CDH6: variants seen among roughly 807,000 people sequenced by gnomAD.
CDH6 encodes the protein cadherin-6.
CDH6 carries 31 observed loss-of-function variants against 78.0 expected under a neutral mutation model. The ratio of observed to expected loss-of-function variants is 0.40; its 90% CI spans 0.30 to 0.54. The LOEUF (loss-of-function observed/expected upper bound fraction) is 0.54. Ranked by LOEUF, CDH6 falls within the 20% of genes least tolerant of loss-of-function variation. The probability of loss-of-function intolerance (pLI) is 0.56; values close to 1 mark genes in which losing one functional copy is unlikely to be tolerated. For synonymous variants in CDH6, 376 were observed against 368.8 expected, an observed-to-expected ratio of 1.02 and a Z score of -0.23; for missense variants, 724 against 975.9, an observed-to-expected ratio of 0.74 and a Z score of 3.44.
chr5:31,305,510 G>A (rs1737967609), intron 7 of CDH6, 83 bp downstream of exon 7: 4 of 1,409,580 alleles, frequency 2.8e-6, no homozygotes, highest in Non-Finnish European at 2.9e-6. Flanking sequence ...GAGAAAAGAT[G>A]AATCCCTTTT....
At position 31,312,945 on chromosome 5, in the gene CDH6, G is replaced by GCGCACA. The variant is rs1554010887; in HGVS notation, c.1254-372_1254-371insGCACAC. Among the ~76,000 whole-genome samples the GCGCACA allele has an allele frequency of 7.4e-5, 11 of 149,298 alleles. No individual in the cohort carries two copies. In the South Asian group the frequency reaches 1.5e-3, roughly 20 times the overall value. On this transcript the variant is annotated intron_variant, in intron 7 of 11. Coordinates refer to ENST00000265071, the MANE Select transcript of CDH6 (RefSeq NM_004932.4). ...ACCAAAACCCTACATATGCATACAA[G>GCGCACA]CACACACACACACACACACACACAC...
At chr5:31,207,888 C>T (rs544270376) in intron 1 of CDH6, among the ~76,000 whole-genome samples, 28 of 152,156 alleles carry the variant, frequency 1.8e-4, no homozygotes, top group South Asian at 4.1e-4. Context: ...GAAATATTCC[C>T]GAGATGACCT....
chr5:31,250,169 A>C (rs991349591), intron 1 of CDH6: 1 of 152,222 alleles, frequency 6.6e-6, no homozygotes, highest in Non-Finnish European at 1.5e-5. Context: ...TTTCATAACC[A>C]AAGAGCTCGG....
intron 2 of CDH6, among the ~76,000 whole-genome samples, chr5:31,290,327 C>G (rs142150756): frequency 0.013 from 1,938 of 152,194 alleles, 85 homozygotes; most frequent in East Asian, 0.085. Context: ...CCCTCTGGCA[C>G]GAAATGCTAC....
intron 1 of CDH6, among the ~76,000 whole-genome samples, chr5:31,219,246 T>C (rs913255669): frequency 6.6e-6 from 1 of 152,140 alleles, no homozygotes; most frequent in Admixed American, 6.5e-5. Flanking sequence ...CCATCAGATT[T>C]TTTTGACTCA....
chr5:31,285,542 C>T (rs1742988515), intron 2 of CDH6, among the ~76,000 whole-genome samples: 1 of 152,160 alleles, frequency 6.6e-6, no homozygotes, highest in Non-Finnish European at 1.5e-5. Context: ...AGTTTAGATG[C>T]TTTTATTCAT....
chr5:31,276,957 TG>T (rs1043304699), intron 2 of CDH6, among the ~76,000 whole-genome samples: 1 of 152,132 alleles, frequency 6.6e-6, no homozygotes, highest in African/African-American at 2.4e-5. Context: ...CTGTGAAGTG[TG>T]CCTTCAAAGA....
chr5:31,292,654 A>G (rs1032754800), intron 2 of CDH6, among the ~76,000 whole-genome samples: 2 of 151,886 alleles, frequency 1.3e-5, no homozygotes, highest in African/African-American at 4.8e-5. Flanking sequence ...GGATGCTTAA[A>G]ACTCTGGGGG....
intron 1 of CDH6, chr5:31,251,775 T>C (rs192774569): frequency 2.9e-4 from 44 of 152,352 alleles, no homozygotes; most frequent in Admixed American, 2.7e-3. Context: ...CTTCTCACAT[T>C]GTTAGCATTT....
intron 4 of CDH6, among the ~76,000 whole-genome samples, chr5:31,298,780 G>A (rs1460355755): frequency 6.6e-6 from 1 of 152,070 alleles, no homozygotes; most frequent in African/African-American, 2.4e-5. Flanking sequence ...AAAAATTTTG[G>A]TTGTCATTGG....
chr5:31,294,109 C>T lies in CDH6; in HGVS notation c.376C>T (p.Leu126Phe). The T allele has an allele frequency of 6.2e-7, 1 of 1,613,898 alleles. No individual in the cohort carries two copies. Among genetic ancestry groups the T allele is most frequent in the Non-Finnish European group, 8.5e-7 (1 of 1,179,936 alleles). ...LDREEKPVYI[L>F]RAQAINRRTG... ...CAGGGAAGAAAAACCCGTTTACATC[C>T]TTCGAGCTCAAGCTATAAACAGAAG... The change falls in exon 3 of 12, where the codon CTT becomes TTT. Residue 126 changes from leucine to phenylalanine, a missense_variant. This residue lies in a region of CDH6 where 446 missense variants were observed against 684.5 expected (regional missense o/e 0.65). Transcript: ENST00000265071. The surrounding 1 kb of genome is among the most constrained non-coding windows in gnomAD (Gnocchi z 4.1).
In CDH6 at chr5:31,302,294, A is replaced by G. The variant is rs1386266247; in HGVS notation, c.995A>G (p.Lys332Arg). Residue 332 changes from lysine (K) to arginine (R), a missense_variant, in exon 6 of 12, where the codon AAA (lysine) becomes AGA (arginine). Transcript: ENST00000265071. ...ACCCAGGAAGGGATTATAACTGTCAAAAAGGTAATGCCGCTTCTTAAACAC... is the reference window on the plus strand; with the variant it reads ...ACCCAGGAAGGGATTATAACTGTCAGAAAGGTAATGCCGCTTCTTAAACAC... ...QETQEGIITV[K>R]KLLDFEKKKV... 1 of 1,609,560 alleles carries G rather than the reference A, an allele frequency of 6.2e-7. No homozygotes were observed. Among genetic ancestry groups the G allele is most frequent in the East Asian group, 2.2e-5 (1 of 44,856 alleles).
Position 31,235,598 on chromosome 5 carries a change from T to C in CDH6, c.-128-31748T>C, listed in dbSNP as rs142523129. On this transcript the variant is annotated intron_variant, in intron 1 of 11. Coordinates refer to ENST00000265071, the MANE Select transcript of CDH6 (RefSeq NM_004932.4). ...GAAACAGCGAATGTTATGCATGACT[T>C]ACTACACAAACCCTTTACTTTAGAG... Among the ~76,000 whole-genome samples the C allele has an allele frequency of 4.8e-4, 73 of 152,338 alleles. 1 individual carries two copies. The highest frequency in any genetic ancestry group is 2.0e-3 in the Admixed American group (30 of 15,300).
At chr5:31,292,882 T>TGCA (rs1737447784) in intron 2 of CDH6, among the ~76,000 whole-genome samples, 1 of 142,024 alleles carries the variant, frequency 7.0e-6, no homozygotes, top group African/African-American at 2.7e-5. Context: ...TATGTATGTG[T>TGCA]TTGTGTATAT....
In CDH6 at chr5:31,255,453, G is replaced by T. The variant is rs534569420; in HGVS notation, c.-128-11893G>T. 5.9e-5 allele frequency among the ~76,000 whole-genome samples: 9 copies of T among 152,200 alleles called. No individual in the cohort carries two copies. The East Asian group carries it at 1.7e-3, about 29-fold the overall frequency. The stretch of plus-strand genomic sequence containing the variant: ...CATCGAACAAGGGCATTTCTTTGGT[G>T]GTATAATTAAAATTCTCTTTTAAAT... On this transcript the variant is annotated intron_variant, in intron 1 of 11. Coordinates refer to ENST00000265071, the MANE Select transcript of CDH6 (RefSeq NM_004932.4).
At chr5:31,317,329 TTTGAG>T in intron 9 of CDH6, 41 bp from the exon 10 acceptor site, 1 of 918,152 alleles carries the variant, frequency 1.1e-6, no homozygotes. Flanking sequence ...AAGAAACACT[TTTGAG>T]TTATCAAAAT....
chr5:31,215,016 A>G (rs909420156), intron 1 of CDH6, among the ~76,000 whole-genome samples: 2 of 152,172 alleles, frequency 1.3e-5, no homozygotes, highest in African/African-American at 4.8e-5. Context: ...TATAATTCTC[A>G]CTGAATATTC....
At position 31,305,292 on chromosome 5, in the gene CDH6, T is replaced by C. The variant is rs543877386; in HGVS notation, c.1118T>C (p.Val373Ala). Residue 373 changes from valine (V) to alanine (A), a missense_variant, in exon 7 of 12, where the codon GTG becomes GCG. Val to Ala is a moderately conservative substitution (Grantham distance 64, BLOSUM62 0). Transcript: ENST00000265071. ...AAAGATTCAGCCACGGTTAGAATTG[T>C]GGTGGAGGATGTAGATGAGCCACCT... ...PFKDSATVRI[V>A]VEDVDEPPVF... 35 of 1,614,194 alleles carry C rather than the reference T, an allele frequency of 2.2e-5. 1 individual carries two copies. The South Asian group carries it at 3.6e-4, about 17-fold the overall frequency.
At chr5:31,293,110 C>A (rs1737455875) in intron 2 of CDH6, among the ~76,000 whole-genome samples, 1 of 151,932 alleles carries the variant, frequency 6.6e-6, no homozygotes, top group South Asian at 2.1e-4. Flanking sequence ...TTTACCCAAA[C>A]CCATTTCACT....
Sources: gnomAD v4.1 joint callset for allele counts (sites outside exome capture counted in the v4.1 genomes callset) on GRCh38, gnomAD v4.1.1 for gene constraint, gnomAD v4.1.1 regional missense constraint, Gnocchi (gnomAD v3.1) non-coding constraint, MANE v1.5 for transcripts, NCBI Gene and HGNC (gene_info 2026-07-23, HGNC 2026-07-21) for gene names.